Variants in GRIA1 observed in about 807,000 individuals in gnomAD.
GRIA1 encodes glutamate receptor 1.
Under a neutral mutation model 99.2 loss-of-function variants are expected in GRIA1, and 31 were observed. That is an observed-to-expected ratio of 0.31 (90% CI 0.23 to 0.42). The LOEUF (loss-of-function observed/expected upper bound fraction) is 0.42, where lower values mean the gene tolerates loss of function less well. Ranked by LOEUF, GRIA1 falls within the 10% of genes least tolerant of loss-of-function variation. The pLI is 1.00. For missense variants in GRIA1, 782 were observed against 1,157.5 expected, an observed-to-expected ratio of 0.68 and a Z score of 4.71; for synonymous variants, 438 against 432.4, an observed-to-expected ratio of 1.01 and a Z score of -0.16.
intron 2 of GRIA1, among the ~76,000 whole-genome samples, chr5:153,506,943 C>A (rs542870320): frequency 6.6e-6 from 1 of 151,888 alleles, no homozygotes; most frequent in Non-Finnish European, 1.5e-5. Flanking sequence ...GCCAACATGG[C>A]AAAACCCTGC....
At chr5:153,528,857 A>G (rs1757848794) in intron 2 of GRIA1, among the ~76,000 whole-genome samples, 1 of 152,054 alleles carries the variant, frequency 6.6e-6, no homozygotes, top group African/African-American at 2.4e-5. Context: ...CAGTCTGTCA[A>G]TCAGCTGACA....
intron 10 of GRIA1, among the ~76,000 whole-genome samples, chr5:153,701,008 C>T (rs1413394008): frequency 1.3e-5 from 2 of 152,206 alleles, no homozygotes; most frequent in Non-Finnish European, 2.9e-5. Flanking sequence ...CTGGATAGTA[C>T]ATGCTGCAGC....
chr5:153,517,288 G>T (rs1307458071), intron 2 of GRIA1, among the ~76,000 whole-genome samples: 1 of 152,072 alleles, frequency 6.6e-6, no homozygotes, highest in Non-Finnish European at 1.5e-5. Flanking sequence ...TGCCTGCATG[G>T]CTTTATTTTT....
chr5:153,510,837 G>A (rs897105821), intron 2 of GRIA1, among the ~76,000 whole-genome samples: 7 of 152,024 alleles, frequency 4.6e-5, no homozygotes, highest in African/African-American at 1.7e-4. Context: ...AACTCTACAG[G>A]GTTCATTTTT....
chr5:153,629,427 C>A (rs938141139), intron 2 of GRIA1, among the ~76,000 whole-genome samples: 25 of 152,202 alleles, frequency 1.6e-4, no homozygotes, highest in Non-Finnish European at 1.9e-4. Context: ...AGGTGGGAAA[C>A]GTCTGTGATG....
At chr5:153,749,853 A>G (rs1445754270) in intron 11 of GRIA1, among the ~76,000 whole-genome samples, 1 of 152,088 alleles carries the variant, frequency 6.6e-6, no homozygotes, top group Non-Finnish European at 1.5e-5. Flanking sequence ...AAAAAAAAAT[A>G]GGAACAAAGG....
chr5:153,661,689 T>TG (rs1170059604), intron 5 of GRIA1, among the ~76,000 whole-genome samples: 98 of 152,342 alleles, frequency 6.4e-4, no homozygotes, highest in African/African-American at 1.9e-3. Context: ...AATGAATGAA[T>TG]AAATGAATTC....
At chr5:153,697,981 C>A in intron 8 of GRIA1, 63 bp from the exon 9 acceptor site, 1 of 820,818 alleles carries the variant, frequency 1.2e-6, no homozygotes, top group Non-Finnish European at 2.1e-6. Flanking sequence ...CTGGGTGACC[C>A]AGAGCAGGCC....
intron 11 of GRIA1, among the ~76,000 whole-genome samples, chr5:153,763,927 C>T (rs1318231204): frequency 6.6e-6 from 1 of 152,210 alleles, no homozygotes; most frequent in African/African-American, 2.4e-5. Context: ...TGTATTCTTC[C>T]TTCCTTTCCT....
chr5:153,811,919 G>A lies in GRIA1; in HGVS notation c.*694G>A, dbSNP rs1766844605. The A allele has an allele frequency of 6.6e-6, 1 of 152,466 alleles. No individual in the cohort carries two copies. Among genetic ancestry groups the A allele is most frequent in the East Asian group, 1.9e-4 (1 of 5,178 alleles). The allele number at this position is 152,466 out of a possible 1,614,324, so 9.4% of individuals were successfully genotyped here. ...ACAGGTGAAAAGCAACTCAGGATGAGGGTGGTGGAGAGGGCAGGGGCAGAT... is the reference window on the plus strand; with the variant it reads ...ACAGGTGAAAAGCAACTCAGGATGAAGGTGGTGGAGAGGGCAGGGGCAGAT... On this transcript the variant is annotated 3_prime_UTR_variant, in exon 16 of 16. Transcript: ENST00000285900.
chr5:153,582,563 C>A (rs935807319), intron 2 of GRIA1, among the ~76,000 whole-genome samples: 2 of 152,166 alleles, frequency 1.3e-5, no homozygotes, highest in Non-Finnish European at 2.9e-5. Context: ...ATGGTTCCAT[C>A]GTTCTGCCCC....
chr5:153,685,698 T>A (rs913277740), intron 7 of GRIA1, among the ~76,000 whole-genome samples: 1 of 152,338 alleles, frequency 6.6e-6, no homozygotes, highest in African/African-American at 2.4e-5. Context: ...AATTGCCAAG[T>A]ATTTTATTCC....
rs141266300 is a variant in GRIA1, at chr5:153,775,412, T to C, written c.2270+4997T>C. Reference sequence around the variant, plus strand: ...TGACTGTGGTTACATGGAGTCTTCTTTGGTCTCTGTGATCATGACATGTTT... The same window carrying C: ...TGACTGTGGTTACATGGAGTCTTCTCTGGTCTCTGTGATCATGACATGTTT... On this transcript the variant is annotated intron_variant, in intron 13 of 15. Transcript: ENST00000285900. Among the ~76,000 whole-genome samples the C allele has an allele frequency of 2.2e-4, 34 of 152,314 alleles. No homozygotes were observed. In the East Asian group the frequency reaches 6.4e-3, roughly 29 times the overall value.
At chr5:153,784,079 C>G (rs1764811137) in intron 13 of GRIA1, among the ~76,000 whole-genome samples, 2 of 152,188 alleles carry the variant, frequency 1.3e-5, no homozygotes, top group South Asian at 4.1e-4. Flanking sequence ...CCATCTGTCA[C>G]CTCATTTACT....
chr5:153,526,249 ACTT>A (rs1757584693), intron 2 of GRIA1, among the ~76,000 whole-genome samples: 1 of 152,184 alleles, frequency 6.6e-6, no homozygotes, highest in African/African-American at 2.4e-5. Context: ...GATTGGGAAA[ACTT>A]CTACACAATC....
At chr5:153,511,892 A>G (rs113808322) in intron 2 of GRIA1, among the ~76,000 whole-genome samples, 1 of 152,310 alleles carries the variant, frequency 6.6e-6, no homozygotes, top group South Asian at 2.1e-4. Context: ...CCTTGCTGCC[A>G]TGCTTCTTTT....
chr5:153,657,439 T>C (rs1486376120), intron 5 of GRIA1, among the ~76,000 whole-genome samples: 1 of 152,250 alleles, frequency 6.6e-6, no homozygotes, highest in African/African-American at 2.4e-5. Flanking sequence ...TAGCTTTTTA[T>C]CTATAACAAA....
At chr5:153,713,912 A>G (rs1473085189) in intron 11 of GRIA1, among the ~76,000 whole-genome samples, 6 of 152,220 alleles carry the variant, frequency 3.9e-5, no homozygotes, top group Non-Finnish European at 8.8e-5. Context: ...ACTGTGAGAG[A>G]CATCACAGAA....
intron 15 of GRIA1, 45 bp from the exon 16 acceptor site, chr5:153,810,980 T>C: frequency 1.4e-6 from 2 of 1,416,738 alleles, no homozygotes; most frequent in Non-Finnish European, 2.0e-6. Flanking sequence ...CCATTGCCTG[T>C]CATTGCCAAG....
Sources: allele counts gnomAD v4.1 joint callset (sites outside exome capture counted in the v4.1 genomes callset), GRCh38; gene constraint gnomAD v4.1.1; transcripts MANE v1.5; gene names NCBI Gene and HGNC (gene_info 2026-07-23, HGNC 2026-07-21).